Variants in CACHD1 observed in about 807,000 individuals in gnomAD.
CACHD1 encodes the protein cache domain containing 1, also known as VWFA and cache domain-containing protein 1.
CACHD1 carries 71 observed loss-of-function variants against 138.7 expected under a neutral mutation model. That is an observed-to-expected ratio of 0.51 (90% CI 0.42 to 0.62). The LOEUF is 0.62. CACHD1 is among the 20% of genes least tolerant of loss of function. The pLI is 0.00. For synonymous variants in CACHD1, 578 were observed against 591.5 expected, an observed-to-expected ratio of 0.98 and a Z score of 0.33; for missense variants, 1,389 against 1,625.3, an observed-to-expected ratio of 0.85 and a Z score of 2.50.
intron 4 of CACHD1, among the ~76,000 whole-genome samples, chr1:64,620,921 T>C (rs1183382159): frequency 5.3e-5 from 8 of 152,166 alleles, no homozygotes; most frequent in Non-Finnish European, 1.2e-4. Context: ...GGAGGAGGAA[T>C]GGCCCTAACT....
chr1:64,633,120 G>A (rs982227813), intron 6 of CACHD1, among the ~76,000 whole-genome samples: 1 of 152,164 alleles, frequency 6.6e-6, no homozygotes. Context: ...CGCTGCCATT[G>A]TCCAGCACCA....
chr1:64,530,696 C>T (rs1646575872), intron 1 of CACHD1, among the ~76,000 whole-genome samples: 1 of 151,938 alleles, frequency 6.6e-6, no homozygotes. Flanking sequence ...CATGGTGAAA[C>T]CCCGTCTCTA....
At chr1:64,591,150 G>A (rs1312792715) in intron 3 of CACHD1, among the ~76,000 whole-genome samples, 1 of 152,122 alleles carries the variant, frequency 6.6e-6, no homozygotes, top group African/African-American at 2.4e-5. Flanking sequence ...GACCTTATGG[G>A]GGGATAAAAG....
At chr1:64,498,612 C>CA (rs1339645812) in intron 1 of CACHD1, among the ~76,000 whole-genome samples, 3 of 152,192 alleles carry the variant, frequency 2.0e-5, no homozygotes, top group African/African-American at 7.2e-5. Context: ...TACCACACTA[C>CA]AGCATCTCTC....
chr1:64,622,987 A>G (rs1485313115), intron 4 of CACHD1, among the ~76,000 whole-genome samples: 2 of 152,224 alleles, frequency 1.3e-5, no homozygotes, highest in Non-Finnish European at 2.9e-5. Flanking sequence ...TGCTGGTTGC[A>G]TTGGCAAACT....
At chr1:64,592,447 CTT>C (rs1465619917) in intron 3 of CACHD1, among the ~76,000 whole-genome samples, 4 of 152,116 alleles carry the variant, frequency 2.6e-5, no homozygotes, top group Non-Finnish European at 4.4e-5. Flanking sequence ...AATCCAAAGA[CTT>C]TTAGAGGAGG....
At chr1:64,682,194 T>G in intron 26 of CACHD1, 88 bp downstream of exon 26, 1 of 1,229,156 alleles carries the variant, frequency 8.1e-7, no homozygotes, top group African/African-American at 1.5e-5. Flanking sequence ...GACATGGTTT[T>G]CCAAAAAGAC....
At chr1:64,567,459 A>G (rs1214605833) in intron 2 of CACHD1, among the ~76,000 whole-genome samples, 2 of 152,118 alleles carry the variant, frequency 1.3e-5, no homozygotes, top group Non-Finnish European at 2.9e-5. Context: ...ATTCAACATG[A>G]TAGTTTGTAT....
intron 2 of CACHD1, among the ~76,000 whole-genome samples, chr1:64,577,769 T>C (rs1202991768): frequency 1.3e-5 from 2 of 152,196 alleles, no homozygotes; most frequent in Non-Finnish European, 2.9e-5. Flanking sequence ...ACTGGGGAAT[T>C]TCTGACTGAC....
At chr1:64,600,969 C>G (rs1459334560) in intron 3 of CACHD1, among the ~76,000 whole-genome samples, 1 of 152,196 alleles carries the variant, frequency 6.6e-6, no homozygotes, top group Non-Finnish European at 1.5e-5. Context: ...AGCCACATTT[C>G]AAATGCTCAG....
chr1:64,654,309 G>A (rs530034924), intron 11 of CACHD1, among the ~76,000 whole-genome samples: 5 of 152,142 alleles, frequency 3.3e-5, no homozygotes, highest in African/African-American at 1.2e-4. Context: ...CTTATACATT[G>A]TTTTTTCTTC....
At chr1:64,509,184 G>T (rs1285295104) in intron 1 of CACHD1, among the ~76,000 whole-genome samples, 1 of 152,110 alleles carries the variant, frequency 6.6e-6, no homozygotes, top group Non-Finnish European at 1.5e-5. Context: ...GAGGGTTGGG[G>T]CTGCTCATCT....
intron 1 of CACHD1, among the ~76,000 whole-genome samples, chr1:64,521,082 C>G (rs1646494837): frequency 2.6e-5 from 4 of 152,224 alleles, no homozygotes; most frequent in Non-Finnish European, 5.9e-5. Context: ...CAGGGTCTCA[C>G]TGGACTGAAA....
chr1:64,654,274 G>A (rs377073549), intron 11 of CACHD1, among the ~76,000 whole-genome samples: 6 of 152,262 alleles, frequency 3.9e-5, no homozygotes, highest in African/African-American at 9.6e-5. Context: ...GCAAAGTAGC[G>A]TCCATTCCAA....
At chr1:64,681,546 T>TTTTTTTG (rs1650186038) in intron 25 of CACHD1, among the ~76,000 whole-genome samples, 1 of 113,080 alleles carries the variant, frequency 8.8e-6, no homozygotes, top group African/African-American at 2.9e-5. Flanking sequence ...ATTGTGTTTT[T>TTTTTTTG]TTTTTTTTTT....
Position 64,641,899 on chromosome 1 carries a change from C to T in CACHD1, c.1086C>T (p.Leu362=), listed in dbSNP as rs567201755. Residue 362 remains leucine (L), a synonymous_variant, in exon 8 of 27, where the codon CTC becomes CTT. Coordinates refer to ENST00000651257, the MANE Select transcript of CACHD1 (RefSeq NM_020925.4). ...DSSEEDKKAT[L]QVINEENSFL... ...CGGAAGAAGATAAAAAAGCGACTCT[C>T]CAAGTCATCAATGAAGAAAATAGCT... is the stretch of plus-strand genomic sequence containing the variant. The T allele has an allele frequency of 6.2e-6, 10 of 1,606,692 alleles. No homozygotes were observed. The Admixed American group carries it at 6.8e-5, about 11-fold the overall frequency.
chr1:64,646,865 A>G (rs1648922329), intron 8 of CACHD1, among the ~76,000 whole-genome samples: 1 of 152,252 alleles, frequency 6.6e-6, no homozygotes, highest in Non-Finnish European at 1.5e-5. Flanking sequence ...TAGATGAACC[A>G]TGAAAGCTTC....
At chr1:64,482,688 G>T (rs1490364283) in intron 1 of CACHD1, among the ~76,000 whole-genome samples, 1 of 152,118 alleles carries the variant, frequency 6.6e-6, no homozygotes, top group Non-Finnish European at 1.5e-5. Flanking sequence ...TCTTCAGGGG[G>T]GTTAGCCTGT....
At chr1:64,539,561 G>A (rs778742284) in intron 1 of CACHD1, among the ~76,000 whole-genome samples, 1 of 152,134 alleles carries the variant, frequency 6.6e-6, no homozygotes, top group African/African-American at 2.4e-5. Context: ...AAGAAACAGC[G>A]TCTTTATCTT....
Sources: allele counts gnomAD v4.1 joint callset (sites outside exome capture counted in the v4.1 genomes callset), GRCh38; gene constraint gnomAD v4.1.1; transcripts MANE v1.5; gene names NCBI Gene and HGNC (gene_info 2026-07-23, HGNC 2026-07-21).